Variants in SEPTIN1 observed in about 807,000 individuals in gnomAD.
SEPTIN1 encodes the protein septin 1, also known as septin-1.
A neutral mutation model predicts 50.7 loss-of-function variants in SEPTIN1; 52 were observed. The ratio of observed to expected loss-of-function variants is 1.03; its 90% CI spans 0.82 to 1.29. SEPTIN1 has a LOEUF of 1.29. Ranked by LOEUF, SEPTIN1 falls within the 50% of genes most tolerant of loss-of-function variation. The probability of loss-of-function intolerance (pLI) is 0.00; values close to 1 mark genes in which losing one functional copy is unlikely to be tolerated. For synonymous variants in SEPTIN1, 204 were observed against 189.1 expected (o/e 1.08, Z -0.65); for missense variants, 455 against 490.7 (o/e 0.93, Z 0.69).
intron 9 of SEPTIN1, 109 bp from the exon 10 acceptor site, chr16:30,378,809 G>T: frequency 9.0e-7 from 1 of 1,115,426 alleles, no homozygotes; most frequent in Non-Finnish European, 1.3e-6. Flanking sequence ...GGCGGAGCCA[G>T]TTCCTTGAGG....
rs763637023 is a variant in SEPTIN1, at chr16:30,378,975, G to A, written c.941+43C>T. On this transcript the variant is annotated intron_variant, in intron 9 of 10. Transcript: ENST00000321367. ...TCCTCAGGGCGGGGTCATGGGTGAG[G>A]CGGGACCTTGGAGGCTCTGATACTG... 7 of 1,586,976 alleles carry A rather than the reference G, an allele frequency of 4.4e-6. No homozygotes were observed. In the Admixed American group the frequency reaches 5.2e-5, roughly 12 times the overall value.
chr16:30,380,364 C>A, intron 6 of SEPTIN1: 1 of 160,512 alleles, frequency 6.2e-6, no homozygotes, highest in Non-Finnish European at 1.4e-5. Context: ...TCCAGTGGCT[C>A]CATCTTGGTT....
chr16:30,380,445 G>A (rs1470161092), intron 6 of SEPTIN1: 2 of 160,456 alleles, frequency 1.2e-5, no homozygotes, highest in Non-Finnish European at 2.7e-5. Context: ...GGGACTACAA[G>A]TGCACACCAC....
Position 30,382,241 on chromosome 16 carries a change from C to T in SEPTIN1, c.109+34G>A. ...GACAGCCAGGGCCTCCTAAGGACAT[C>T]CCCTCCGCAGTTCCCTCTCCAAAAC... is the stretch of plus-strand genomic sequence containing the variant. On this transcript the variant is annotated intron_variant, in intron 2 of 10. Transcript: ENST00000321367. The surrounding 1 kb of genome is among the most constrained non-coding windows in gnomAD (Gnocchi z 4.8). The T allele has an allele frequency of 1.2e-6, 2 of 1,613,004 alleles. No homozygotes were observed. Among genetic ancestry groups the T allele is most frequent in the Non-Finnish European group, 1.7e-6 (2 of 1,179,118 alleles).
In SEPTIN1 at chr16:30,382,487, G is replaced by A. The variant is rs748707841; in HGVS notation, c.18+38C>T. 3.8e-6 allele frequency: 6 copies of A among 1,595,498 alleles called. No homozygotes were observed. The highest frequency in any genetic ancestry group is 1.7e-4 in the Middle Eastern group (1 of 5,968). ...TGGGGACCCCAGGCATGGGGGCTGGGGGCCGAGATGCCCAGGTTTCTGGGT... is the reference window on the plus strand; with the variant it reads ...TGGGGACCCCAGGCATGGGGGCTGGAGGCCGAGATGCCCAGGTTTCTGGGT... On this transcript the variant is annotated intron_variant, in intron 1 of 10. Transcript: ENST00000321367. The surrounding 1 kb of genome is among the most constrained non-coding windows in gnomAD (Gnocchi z 4.8).
At chr16:30,379,640 C>CTTTT (rs71149011) in intron 7 of SEPTIN1, 106 bp from the exon 8 acceptor site, 32,583 of 234,902 alleles carry the variant, frequency 0.14, 5,893 homozygotes, top group East Asian at 0.29. Flanking sequence ...GCCCCTTCCT[C>CTTTT]TTTTTTTTTT....
chr16:30,378,409 A>G lies in SEPTIN1; in HGVS notation c.*25T>C. On this transcript the variant is annotated 3_prime_UTR_variant, in exon 11 of 11. Coordinates refer to ENST00000321367, the MANE Select transcript of SEPTIN1 (RefSeq NM_001365977.2). ...AAGAGGCCGACTGAAGGCGGAGCCG[A>G]GGTAAGGCCGGGCGGGGCGTGGCCT... is the stretch of plus-strand genomic sequence containing the variant. The G allele has an allele frequency of 6.5e-7, 1 of 1,544,726 alleles. No homozygotes were observed. The highest frequency in any genetic ancestry group is 8.7e-7 in the Non-Finnish European group (1 of 1,155,764).
intron 6 of SEPTIN1, chr16:30,380,864 T>G: frequency 6.1e-6 from 3 of 492,758 alleles, no homozygotes; most frequent in Non-Finnish European, 1.1e-5. Context: ...CAGAGGGAAG[T>G]CACTATGTTC....
At chr16:30,379,640 CTT>C (rs71149011) in intron 7 of SEPTIN1, 106 bp from the exon 8 acceptor site, 3,958 of 236,986 alleles carry the variant, frequency 0.017, no homozygotes, top group Non-Finnish European at 0.02. Flanking sequence ...GCCCCTTCCT[CTT>C]TTTTTTTTTT....
At position 30,381,658 on chromosome 16, in the gene SEPTIN1, A is replaced by T; in HGVS notation, c.320+102T>A. ...GACCCAGTGGCCCTCTGAAACAGAC[A>T]CCACCTTTTGAGATAGGGAGCCAGC... is the stretch of plus-strand genomic sequence containing the variant. On this transcript the variant is annotated intron_variant, in intron 4 of 10. Coordinates refer to ENST00000321367, the MANE Select transcript of SEPTIN1 (RefSeq NM_001365977.2). The surrounding 1 kb of genome is among the most constrained non-coding windows in gnomAD (Gnocchi z 4.3). The T allele has an allele frequency of 6.5e-7, 1 of 1,544,972 alleles. No homozygotes were observed. Among genetic ancestry groups the T allele is most frequent in the Non-Finnish European group, 8.8e-7 (1 of 1,141,896 alleles).
rs4788409 is a variant in SEPTIN1 at position 30,382,450 on chromosome 16, G to A, written c.18+75C>T. The A allele has an allele frequency of 0.67, 1,056,561 of 1,565,482 alleles. 359,538 individuals are homozygous for A. The highest frequency in any genetic ancestry group is 0.9 in the East Asian group (39,759 of 44,290). The stretch of plus-strand genomic sequence containing the variant: ...CACTTGAGTTCCTGGGCTAGGAAGA[G>A]TCAGTGGGGTCTGGGGACCCCAGGC... On this transcript the variant is annotated intron_variant, in intron 1 of 10. Transcript: ENST00000321367. This position sits in a 1 kb window ranked among gnomAD's most constrained non-coding sequence, Gnocchi z 4.8.
intron 9 of SEPTIN1, 131 bp from the exon 10 acceptor site, chr16:30,378,831 G>A (rs2049791603): frequency 1.8e-6 from 1 of 552,734 alleles, no homozygotes; most frequent in East Asian, 6.8e-5. Context: ...TAGGGCCGGA[G>A]GCAAAGCGGG....
chr16:30,378,714 G>T lies in SEPTIN1; in HGVS notation c.942-14C>A. On this transcript the variant is annotated splice_polypyrimidine_tract_variant and intron_variant, in intron 9 of 10. Coordinates refer to ENST00000321367, the MANE Select transcript of SEPTIN1 (RefSeq NM_001365977.2). ...CGGGAAAGCTTACTGCGGGACAGTG[G>T]GAAGGGGACAGGAATCAGGAGCGGG... 1 of 1,604,202 alleles carries T rather than the reference G, an allele frequency of 6.2e-7. No individual in the cohort carries two copies. The highest frequency in any genetic ancestry group is 8.5e-7 in the Non-Finnish European group (1 of 1,178,908).
At chr16:30,382,656 A>G, upstream of SEPTIN1, 1 of 1,537,646 alleles carries the variant, frequency 6.5e-7, no homozygotes, top group Non-Finnish European at 8.7e-7. This position sits in a 1 kb window ranked among gnomAD's most constrained non-coding sequence, Gnocchi z 4.8. Flanking sequence ...CCAGTCCCAG[A>G]GAGGTGGGGA....
At chr16:30,379,639 T>TA in intron 7 of SEPTIN1, 105 bp from the exon 8 acceptor site, 18 of 476,206 alleles carry the variant, frequency 3.8e-5, no homozygotes, top group African/African-American at 5.8e-5. Context: ...TGCCCCTTCC[T>TA]CTTTTTTTTT....
In SEPTIN1 at chr16:30,378,296, C is replaced by A. The variant is rs1456278161; in HGVS notation, c.*138G>T. The A allele has an allele frequency of 3.6e-6, 3 of 843,088 alleles. No individual in the cohort carries two copies. The highest frequency in any genetic ancestry group is 2.7e-5 in the East Asian group (1 of 36,670). The allele number at this position is 843,088 out of a possible 1,614,324, so 52.2% of individuals were successfully genotyped here. On this transcript the variant is annotated 3_prime_UTR_variant, in exon 11 of 11. Coordinates refer to ENST00000321367, the MANE Select transcript of SEPTIN1 (RefSeq NM_001365977.2). ...GCCGGGGCGGGGCTACGGACTCAGGCTGGGAGAACCTCCCCCTAGCCCGCG... is the reference window on the plus strand; with the variant it reads ...GCCGGGGCGGGGCTACGGACTCAGGATGGGAGAACCTCCCCCTAGCCCGCG...
In SEPTIN1 at chr16:30,382,525, C is replaced by G; in HGVS notation, c.18G>C (p.Met6Ile). Reference protein sequence around the residue: MAGGVMDKEYVGFAAL... With the variant: MAGGVIDKEYVGFAAL... ...CAGGTTTCTGGGTGTAAGGACTCAC[C>G]ATGACTCCGCCAGCCATCACTGCAC... The change falls in exon 1 of 11, where the codon ATG (methionine) becomes ATC (isoleucine). Residue 6 changes from methionine to isoleucine, a missense_variant and splice_region_variant. By Grantham distance (10) the Met-to-Ile change is conservative. Coordinates refer to ENST00000321367, the MANE Select transcript of SEPTIN1 (RefSeq NM_001365977.2). The surrounding 1 kb of genome is among the most constrained non-coding windows in gnomAD (Gnocchi z 4.8). 1 of 1,592,184 alleles carries G rather than the reference C, an allele frequency of 6.3e-7. No homozygotes were observed. Among genetic ancestry groups the G allele is most frequent in the Non-Finnish European group, 8.5e-7 (1 of 1,170,324 alleles).
At chr16:30,378,863 G>GGAGAGGGGGAGAGAGA (rs2049794130) in intron 9 of SEPTIN1, among the ~76,000 whole-genome samples, 155 bp downstream of exon 9, 1 of 140,224 alleles carries the variant, frequency 7.1e-6, no homozygotes, top group African/African-American at 2.7e-5. Context: ...GGGGAGAGAG[G>GGAGAGGGGGAGAGAGA]GAGAGACGGA....
rs1301904765 is a variant in SEPTIN1 at position 30,378,217 on chromosome 16, A to G, written c.*217T>C. 1 of 682,456 alleles carries G rather than the reference A, an allele frequency of 1.5e-6. No individual in the cohort carries two copies. The highest frequency in any genetic ancestry group is 2.6e-6 in the Non-Finnish European group (1 of 383,056). The allele number at this position is 682,456 out of a possible 1,614,324, so 42.3% of individuals were successfully genotyped here. On this transcript the variant is annotated 3_prime_UTR_variant, in exon 11 of 11. Transcript: ENST00000321367. ...CCGGAAGACAGTGATGCGGTCGGAG[A>G]TTGTGCAGGCCCCGGGCCGGGAAGT...
Sources: gnomAD v4.1 joint callset for allele counts (sites outside exome capture counted in the v4.1 genomes callset) on GRCh38, gnomAD v4.1.1 for gene constraint, Gnocchi (gnomAD v3.1) non-coding constraint, MANE v1.5 for transcripts, NCBI Gene and HGNC (gene_info 2026-07-23, HGNC 2026-07-21) for gene names.